The following HOMER1 variants were observed in gnomAD, a reference collection of about 807,000 sequenced individuals.
HOMER1 encodes homer scaffold protein 1, also known as homer protein homolog 1.
A neutral mutation model predicts 48.9 loss-of-function variants in HOMER1; 3 were observed. The ratio of observed to expected loss-of-function variants is 0.06; its 90% CI spans 0.03 to 0.16. The LOEUF (loss-of-function observed/expected upper bound fraction) is 0.16, where lower values mean the gene tolerates loss of function less well. Ranked by LOEUF, HOMER1 falls within the 10% of genes least tolerant of loss-of-function variation. HOMER1 has a pLI of 1.00. For missense variants in HOMER1, 247 were observed against 411.4 expected (o/e 0.60, Z 3.46); for synonymous variants, 134 against 146.4 (o/e 0.92, Z 0.61).
intron 2 of HOMER1, among the ~76,000 whole-genome samples, chr5:79,454,680 A>T (rs1158297899): frequency 6.6e-6 from 1 of 152,204 alleles, no homozygotes; most frequent in Non-Finnish European, 1.5e-5. Flanking sequence ...AAGTGCAAAT[A>T]GCGCTTAGGG....
intron 8 of HOMER1, among the ~76,000 whole-genome samples, chr5:79,392,628 A>T (rs1056787526): frequency 6.6e-6 from 1 of 152,194 alleles, no homozygotes; most frequent in Non-Finnish European, 1.5e-5. Flanking sequence ...TTGAAGAAAT[A>T]ACATTTTAAA....
intron 4 of HOMER1, among the ~76,000 whole-genome samples, chr5:79,440,188 T>C (rs1214019359): frequency 6.6e-6 from 1 of 152,214 alleles, no homozygotes; most frequent in Non-Finnish European, 1.5e-5. Context: ...ATGAGCAATG[T>C]AGCATATAAT....
At chr5:79,454,973 T>G (rs1326216138) in intron 2 of HOMER1, among the ~76,000 whole-genome samples, 1 of 151,438 alleles carries the variant, frequency 6.6e-6, no homozygotes, top group East Asian at 1.9e-4. Flanking sequence ...AGGCATACAG[T>G]TTTTTTTTCC....
At chr5:79,414,873 T>C (rs1749902992) in intron 5 of HOMER1, among the ~76,000 whole-genome samples, 1 of 152,176 alleles carries the variant, frequency 6.6e-6, no homozygotes, top group Non-Finnish European at 1.5e-5. Context: ...TAGTTGGCTA[T>C]AGGTAAACAG....
chr5:79,448,026 G>A (rs773991415), intron 3 of HOMER1, among the ~76,000 whole-genome samples: 10 of 152,086 alleles, frequency 6.6e-5, no homozygotes, highest in Non-Finnish European at 1.2e-4. Flanking sequence ...TCCATCTTGG[G>A]AAGAAAAATT....
chr5:79,387,597 A>G (rs2112200257), intron 8 of HOMER1, among the ~76,000 whole-genome samples: 1 of 152,334 alleles, frequency 6.6e-6, no homozygotes, highest in Admixed American at 6.5e-5. Flanking sequence ...ATAATTTAAT[A>G]GAAAAATGGG....
intron 1 of HOMER1, among the ~76,000 whole-genome samples, chr5:79,464,161 T>C (rs903916124): frequency 5.3e-5 from 8 of 152,192 alleles, no homozygotes; most frequent in Non-Finnish European, 1.2e-4. Flanking sequence ...GGGGCCATTT[T>C]TGAAGACTGC....
chr5:79,393,971 T>G (rs1303829437), intron 8 of HOMER1, among the ~76,000 whole-genome samples: 1 of 152,188 alleles, frequency 6.6e-6, no homozygotes, highest in Non-Finnish European at 1.5e-5. Flanking sequence ...TGCCTTAAGA[T>G]GACAGGATTA....
At chr5:79,402,565 T>G (rs1007464791) in intron 5 of HOMER1, among the ~76,000 whole-genome samples, 1 of 152,166 alleles carries the variant, frequency 6.6e-6, no homozygotes, top group African/African-American at 2.4e-5. Flanking sequence ...TGAAGAAATA[T>G]AAAAAGTACT....
chr5:79,434,181 T>C (rs1215614545), intron 5 of HOMER1, among the ~76,000 whole-genome samples: 3 of 152,130 alleles, frequency 2.0e-5, no homozygotes, highest in Non-Finnish European at 1.5e-5. Flanking sequence ...CAATTATTTA[T>C]CTATATTGTA....
chr5:79,447,246 C>T lies in HOMER1; in HGVS notation c.295-101G>A, dbSNP rs148646723. 553 of 707,878 alleles carry T rather than the reference C, an allele frequency of 7.8e-4. 1 individual carries two copies. The African/African-American group carries it at 9.1e-3, about 12-fold the overall frequency. The allele number at this position is 707,878 out of a possible 1,614,324, so 43.8% of individuals were successfully genotyped here. A position where few individuals can be genotyped will look rare whatever the true frequency, so the allele number is the denominator to read the frequency against. ...TTCATTTTCTGAATAACTGACTCTA[C>T]ACAAGCAATATAGCCTCCAAACCAA... On this transcript the variant is annotated intron_variant, in intron 3 of 8. Transcript: ENST00000334082.
chr5:79,485,511 G>A (rs1202798180), intron 1 of HOMER1, among the ~76,000 whole-genome samples: 2 of 152,134 alleles, frequency 1.3e-5, no homozygotes, highest in African/African-American at 2.4e-5. Flanking sequence ...TTTGGAACAC[G>A]CTTTCCTTAG....
intron 8 of HOMER1, among the ~76,000 whole-genome samples, chr5:79,380,886 T>C (rs1351325235): frequency 6.6e-6 from 1 of 152,110 alleles, no homozygotes; most frequent in Non-Finnish European, 1.5e-5. Context: ...ATCCAGCCCT[T>C]TGCCGCCACT....
At chr5:79,396,317 A>AATC (rs1554057183) in intron 8 of HOMER1, among the ~76,000 whole-genome samples, 1 of 151,900 alleles carries the variant, frequency 6.6e-6, no homozygotes, top group Admixed American at 6.6e-5. Flanking sequence ...TAATAATAAT[A>AATC]ATGTTCCCAA....
chr5:79,379,318 ATAAATATT>A (rs1340771401), intron 8 of HOMER1, among the ~76,000 whole-genome samples: 1 of 109,546 alleles, frequency 9.1e-6, no homozygotes, highest in Non-Finnish European at 1.7e-5. Flanking sequence ...ATATAAATAT[ATAAATATT>A]TATATATATT....
intron 1 of HOMER1, among the ~76,000 whole-genome samples, chr5:79,465,199 G>C (rs1167435179): frequency 6.6e-6 from 1 of 152,060 alleles, no homozygotes; most frequent in African/African-American, 2.4e-5. Context: ...GCTGGCTGTG[G>C]TGGCACATGC....
At chr5:79,452,141 A>G (rs1414492267) in intron 2 of HOMER1, among the ~76,000 whole-genome samples, 1 of 152,196 alleles carries the variant, frequency 6.6e-6, no homozygotes, top group Admixed American at 6.5e-5. Context: ...CACATCCTAC[A>G]AATACTGTAT....
At chr5:79,469,618 T>C (rs1489916037) in intron 1 of HOMER1, among the ~76,000 whole-genome samples, 1 of 152,192 alleles carries the variant, frequency 6.6e-6, no homozygotes, top group African/African-American at 2.4e-5. Flanking sequence ...TATTTTTATC[T>C]GTTGAAAAGG....
chr5:79,454,851 T>C (rs1265491699), intron 2 of HOMER1, among the ~76,000 whole-genome samples: 5 of 152,196 alleles, frequency 3.3e-5, no homozygotes, highest in East Asian at 3.9e-4. Flanking sequence ...GTTTGTATAG[T>C]GATTACTATA....
Sources: gnomAD v4.1 joint callset for allele counts (sites outside exome capture counted in the v4.1 genomes callset) on GRCh38, gnomAD v4.1.1 for gene constraint, MANE v1.5 for transcripts, NCBI Gene and HGNC (gene_info 2026-07-23, HGNC 2026-07-21) for gene names.